Variants in ADAMTSL1 observed in about 807,000 individuals in gnomAD.
ADAMTSL1 encodes ADAMTS like 1.
ADAMTSL1 carries 126 observed loss-of-function variants against 201.8 expected under a neutral mutation model. The observed-to-expected ratio is 0.62, with a 90% CI of 0.54 to 0.72. ADAMTSL1 has a LOEUF of 0.72. Among genes scored for constraint, ADAMTSL1 ranks in the 30% least tolerant of loss-of-function variants. The probability of loss-of-function intolerance (pLI) is 0.00; values close to 1 mark genes in which losing one functional copy is unlikely to be tolerated. For missense variants in ADAMTSL1, 2,679 were observed against 2,277.8 expected, an observed-to-expected ratio of 1.18 and a Z score of -3.59; for synonymous variants, 1,121 against 903.4, an observed-to-expected ratio of 1.24 and a Z score of -4.32.
intron 1 of ADAMTSL1, among the ~76,000 whole-genome samples, chr9:17,998,337 T>G (rs983161951): frequency 7.9e-5 from 12 of 151,836 alleles, no homozygotes; most frequent in African/African-American, 2.4e-4. Context: ...AGTGTACATG[T>G]AAAAGGAGAT....
intron 2 of ADAMTSL1, among the ~76,000 whole-genome samples, chr9:18,267,205 T>G (rs1399483526): frequency 6.6e-6 from 1 of 152,186 alleles, no homozygotes; most frequent in East Asian, 1.9e-4. Flanking sequence ...CAAAGCCAAG[T>G]TAGTTGCAGT....
At chr9:18,108,013 C>G (rs1465779408) in intron 1 of ADAMTSL1, among the ~76,000 whole-genome samples, 2 of 151,952 alleles carry the variant, frequency 1.3e-5, no homozygotes, top group African/African-American at 4.8e-5. Context: ...TAGGAAGTGG[C>G]TTTATAATTA....
At chr9:18,301,368 T>C (rs1324720818) in intron 2 of ADAMTSL1, among the ~76,000 whole-genome samples, 1 of 152,198 alleles carries the variant, frequency 6.6e-6, no homozygotes, top group Non-Finnish European at 1.5e-5. Flanking sequence ...ATCAGGAGAT[T>C]GCGGTACAGT....
chr9:17,940,810 C>T (rs1827209522), intron 1 of ADAMTSL1, among the ~76,000 whole-genome samples: 1 of 64,462 alleles, frequency 1.6e-5, no homozygotes, highest in East Asian at 2.2e-3. Context: ...ACACCCCCCC[C>T]CCAAAAAAAA....
intron 1 of ADAMTSL1, among the ~76,000 whole-genome samples, chr9:18,162,980 C>T (rs907607090): frequency 6.6e-6 from 1 of 151,936 alleles, no homozygotes; most frequent in African/African-American, 2.4e-5. Context: ...CTCAACAATG[C>T]AACATTGTTA....
chr9:18,731,767 A>G (rs1166364901), intron 15 of ADAMTSL1, among the ~76,000 whole-genome samples: 2 of 152,126 alleles, frequency 1.3e-5, no homozygotes, highest in Non-Finnish European at 2.9e-5. Flanking sequence ...ACTACTTCAC[A>G]TGGTGAAAGC....
chr9:18,545,076 C>A (rs960796638), intron 3 of ADAMTSL1, among the ~76,000 whole-genome samples: 1 of 152,134 alleles, frequency 6.6e-6, no homozygotes, highest in African/African-American at 2.4e-5. Flanking sequence ...TGATTACATA[C>A]CTCAGAGAGA....
At chr9:18,803,155 AGAT>A (rs1452455183) in intron 20 of ADAMTSL1, among the ~76,000 whole-genome samples, 2 of 152,264 alleles carry the variant, frequency 1.3e-5, no homozygotes, top group African/African-American at 4.8e-5. Flanking sequence ...AGTCTCATCA[AGAT>A]GTCAACAGGC....
In ADAMTSL1 at chr9:18,648,010, G is replaced by C. The variant is rs576704667; in HGVS notation, c.834+8599G>C. Reference sequence around the variant, plus strand: ...GGTGTTAAAGTCTCCCATTATTATTGTGTGGGAGTCTAAGTCTCTTTGTAG... The same window carrying C: ...GGTGTTAAAGTCTCCCATTATTATTCTGTGGGAGTCTAAGTCTCTTTGTAG... On this transcript the variant is annotated intron_variant, in intron 7 of 28. Transcript: ENST00000380548. Among the ~76,000 whole-genome samples the C allele has an allele frequency of 3.3e-5, 5 of 149,528 alleles. No homozygotes were observed. The South Asian group carries it at 1.1e-3, about 31-fold the overall frequency.
At chr9:18,161,549 T>G (rs967385614) in intron 1 of ADAMTSL1, among the ~76,000 whole-genome samples, 1 of 152,040 alleles carries the variant, frequency 6.6e-6, no homozygotes, top group African/African-American at 2.4e-5. Flanking sequence ...ACATGTCAAT[T>G]CTGGATTACT....
chr9:18,127,872 T>C (rs957411872), intron 1 of ADAMTSL1, among the ~76,000 whole-genome samples: 5 of 152,166 alleles, frequency 3.3e-5, no homozygotes, highest in Admixed American at 3.3e-4. Context: ...CTGATAGAAG[T>C]CTTTCATATG....
intron 1 of ADAMTSL1, among the ~76,000 whole-genome samples, chr9:17,916,294 A>T (rs1826091913): frequency 6.6e-6 from 1 of 152,152 alleles, no homozygotes; most frequent in Admixed American, 6.5e-5. Flanking sequence ...CATTTTCTTA[A>T]CAGTGTCCTT....
In ADAMTSL1 at chr9:18,474,194, T is replaced by A. The variant is rs749240332; in HGVS notation, c.-39T>A. The A allele has an allele frequency of 6.2e-7, 1 of 1,608,000 alleles. No homozygotes were observed. Among genetic ancestry groups the A allele is most frequent in the Non-Finnish European group, 8.5e-7 (1 of 1,174,686 alleles). ...GCAGGCAGAGGAGCACTTAGCAGCT[T>A]ATTCAGTGTCCGATTCTGATTCCGG... is the stretch of plus-strand genomic sequence containing the variant. On this transcript the variant is annotated 5_prime_UTR_variant, in exon 1 of 29. Transcript: ENST00000380548.
chr9:18,225,820 A>G (rs1336315288), intron 2 of ADAMTSL1, among the ~76,000 whole-genome samples: 1 of 152,156 alleles, frequency 6.6e-6, no homozygotes, highest in Non-Finnish European at 1.5e-5. Flanking sequence ...TACTCTAATT[A>G]AAATTCCTGC....
chr9:18,868,904 C>T (rs537139163), intron 23 of ADAMTSL1, among the ~76,000 whole-genome samples: 19 of 152,318 alleles, frequency 1.2e-4, no homozygotes, highest in Admixed American at 7.8e-4. Context: ...TGTATCCCCA[C>T]AAAAGATGTT....
chr9:18,049,912 C>T (rs1450020759), intron 1 of ADAMTSL1, among the ~76,000 whole-genome samples: 1 of 152,040 alleles, frequency 6.6e-6, no homozygotes, highest in Non-Finnish European at 1.5e-5. Flanking sequence ...TGTGAGCCAC[C>T]GTGCCCGGCC....
At chr9:18,490,539 G>A (rs1250251146) in intron 1 of ADAMTSL1, among the ~76,000 whole-genome samples, 1 of 152,138 alleles carries the variant, frequency 6.6e-6, no homozygotes, top group African/African-American at 2.4e-5. Context: ...CTAGAATCCT[G>A]GAGATTGGAA....
At chr9:18,161,630 A>G (rs1382535973) in intron 1 of ADAMTSL1, among the ~76,000 whole-genome samples, 2 of 152,174 alleles carry the variant, frequency 1.3e-5, no homozygotes, top group Non-Finnish European at 1.5e-5. Context: ...CTAGAGCTTG[A>G]AGAGCTGTGA....
At chr9:18,738,870 A>G (rs1818664538) in intron 15 of ADAMTSL1, among the ~76,000 whole-genome samples, 1 of 152,222 alleles carries the variant, frequency 6.6e-6, no homozygotes, top group Non-Finnish European at 1.5e-5. Context: ...CTTGTGTATG[A>G]GAAATATTAT....
Sources: allele counts gnomAD v4.1 joint callset (sites outside exome capture counted in the v4.1 genomes callset), GRCh38; gene constraint gnomAD v4.1.1; transcripts MANE v1.5; gene names NCBI Gene and HGNC (gene_info 2026-07-23, HGNC 2026-07-21).